The following FBN1 variants were observed in gnomAD, a reference collection of about 807,000 sequenced individuals.
The protein encoded by FBN1 is fibrillin 1, also known as fibrillin-1.
FBN1 carries 29 observed loss-of-function variants against 365.1 expected under a neutral mutation model. The observed-to-expected ratio is 0.08, with a 90% CI of 0.06 to 0.11. The LOEUF (loss-of-function observed/expected upper bound fraction) is 0.11, where lower values mean the gene tolerates loss of function less well. FBN1 is among the 10% of genes least tolerant of loss of function. The probability of loss-of-function intolerance (pLI) is 1.00; values close to 1 mark genes in which losing one functional copy is unlikely to be tolerated. For synonymous variants in FBN1, 1,210 were observed against 1,270.5 expected, an observed-to-expected ratio of 0.95 and a Z score of 1.01; for missense variants, 2,476 against 3,703.2, an observed-to-expected ratio of 0.67 and a Z score of 8.60.
At chr15:48,466,912 A>T (rs1255384783) in intron 38 of FBN1, among the ~76,000 whole-genome samples, 1 of 151,772 alleles carries the variant, frequency 6.6e-6, no homozygotes, top group Non-Finnish European at 1.5e-5. Flanking sequence ...CTAAGTCCCC[A>T]CCCTCTCCCA....
rs777262423 is a variant in FBN1 at position 48,485,507 on chromosome 15, T to G, written c.3590-11A>C. 3 of 1,614,040 alleles carry G rather than the reference T, an allele frequency of 1.9e-6. No homozygotes were observed. The East Asian group carries it at 6.7e-5, about 36-fold the overall frequency. ...TGCATTCATCAATGTCTAAAAGAAATGAAAATAATATCACCTTCTGATATG... is the reference window on the plus strand; with the variant it reads ...TGCATTCATCAATGTCTAAAAGAAAGGAAAATAATATCACCTTCTGATATG... On this transcript the variant is annotated splice_polypyrimidine_tract_variant and intron_variant, in intron 29 of 65. Coordinates refer to ENST00000316623, the MANE Select transcript of FBN1 (RefSeq NM_000138.5).
intron 21 of FBN1, 40 bp downstream of exon 21, chr15:48,495,429 T>C: frequency 1.2e-6 from 2 of 1,610,106 alleles, no homozygotes; most frequent in Admixed American, 1.7e-5. Context: ...TATAACAACA[T>C]TGATAAACAT....
chr15:48,519,857 TG>T lies in FBN1; in HGVS notation c.1147+801del, dbSNP rs528925688. 2.3e-3 allele frequency among the ~76,000 whole-genome samples: 355 copies of T among 152,332 alleles called. 3 individuals carry two copies. Among genetic ancestry groups the T allele is most frequent in the African/African-American group, 7.8e-3 (323 of 41,574 alleles). On this transcript the variant is annotated intron_variant, in intron 10 of 65. Transcript: ENST00000316623. ...AGTAGCAAATGTTCTTTGCAAGAAA[TG>T]GAGTGAATTGGCCACTAAATATTGC...
At chr15:48,531,320 G>C (rs1410750146) in intron 8 of FBN1, among the ~76,000 whole-genome samples, 3 of 151,976 alleles carry the variant, frequency 2.0e-5, no homozygotes, top group Non-Finnish European at 4.4e-5. Flanking sequence ...TGAGAATTCT[G>C]CAAGAGGAAG....
intron 6 of FBN1, among the ~76,000 whole-genome samples, chr15:48,581,710 A>G (rs1343725986): frequency 6.6e-6 from 1 of 152,356 alleles, no homozygotes; most frequent in East Asian, 1.9e-4. Flanking sequence ...TGAAAATCAA[A>G]AAGGTGTGAA....
Position 48,549,847 on chromosome 15 carries a change from G to A in FBN1, c.539-12039C>T, listed in dbSNP as rs548494787. The stretch of plus-strand genomic sequence containing the variant: ...GTGACACAAGCACAGACAAAAAAAC[G>A]ACTCCAGTTCTCCCCTTCCTTTACT... On this transcript the variant is annotated intron_variant, in intron 6 of 65. Transcript: ENST00000316623. 4.0e-5 allele frequency among the ~76,000 whole-genome samples: 6 copies of A among 151,208 alleles called. No homozygotes were observed. In the South Asian group the frequency reaches 8.4e-4, roughly 21 times the overall value.
chr15:48,409,622 T>G lies in FBN1; in HGVS notation c.*1368A>C, dbSNP rs77212138. On this transcript the variant is annotated 3_prime_UTR_variant, in exon 66 of 66. Coordinates refer to ENST00000316623, the MANE Select transcript of FBN1 (RefSeq NM_000138.5). ...ATTGGATACAGTCTGGGATTATCCC[T>G]TTGTAATTAGATGAGCATTGACTAA... is the stretch of plus-strand genomic sequence containing the variant. The G allele has an allele frequency of 6.6e-6, 1 of 152,170 alleles. No homozygotes were observed. Among genetic ancestry groups the G allele is most frequent in the African/African-American group, 2.4e-5 (1 of 41,444 alleles). The allele number at this position is 152,170 out of a possible 1,614,324, so 9.4% of individuals were successfully genotyped here.
At chr15:48,471,022 C>T (rs1440937353) in intron 35 of FBN1, among the ~76,000 whole-genome samples, 1 of 151,800 alleles carries the variant, frequency 6.6e-6, no homozygotes, top group African/African-American at 2.4e-5. Context: ...TAGTGTTCCA[C>T]GTAGGTCCAC....
chr15:48,614,585 G>A (rs1229918135), intron 2 of FBN1, among the ~76,000 whole-genome samples: 1 of 152,112 alleles, frequency 6.6e-6, no homozygotes, highest in Non-Finnish European at 1.5e-5. Context: ...GGTCAGAAAG[G>A]GATTTAGGAA....
chr15:48,528,555 G>A (rs2043937524), intron 8 of FBN1, among the ~76,000 whole-genome samples: 2 of 152,110 alleles, frequency 1.3e-5, no homozygotes. Flanking sequence ...AGAGCAAAGA[G>A]GCCCATCATT....
At chr15:48,480,213 C>T (rs185653192) in intron 32 of FBN1, among the ~76,000 whole-genome samples, 15 of 152,270 alleles carry the variant, frequency 9.9e-5, no homozygotes, top group African/African-American at 3.4e-4. Flanking sequence ...ATAAGCATCA[C>T]TGCCTCTGGG....
In FBN1 at chr15:48,411,272, T is replaced by C; in HGVS notation, c.8334A>G (p.Leu2778=). Residue 2778 remains leucine (L), a synonymous_variant, in exon 66 of 66, where the codon CTA becomes CTG. Transcript: ENST00000316623. ...ISHVSNKVRI[L]ELLPALTTLT... ...GAGTTGTAAGAGCTGGAAGGAGTTC[T>C]AGGATTCGAACCTTGTTACTGACGT... 1.9e-6 allele frequency: 3 copies of C among 1,614,120 alleles called. No homozygotes were observed. The highest frequency in any genetic ancestry group is 1.1e-5 in the South Asian group (1 of 91,078).
At chr15:48,533,584 T>C (rs1443791779) in intron 8 of FBN1, among the ~76,000 whole-genome samples, 7 of 152,172 alleles carry the variant, frequency 4.6e-5, no homozygotes, top group African/African-American at 1.7e-4. Flanking sequence ...TTTCATTTGA[T>C]AGGCAATTAC....
chr15:48,504,943 A>C, intron 16 of FBN1, 82 bp downstream of exon 16: 13 of 1,556,824 alleles, frequency 8.4e-6, no homozygotes, highest in Non-Finnish European at 1.2e-5. Context: ...CTGCTACAGT[A>C]GAGAGCGTTT....
intron 6 of FBN1, among the ~76,000 whole-genome samples, chr15:48,554,674 T>A (rs1233556783): frequency 6.6e-6 from 1 of 152,170 alleles, no homozygotes; most frequent in Non-Finnish European, 1.5e-5. Context: ...AACACATACA[T>A]GACATATACT....
chr15:48,487,573 C>A (rs909269550), intron 27 of FBN1, 136 bp from the exon 28 acceptor site: 25 of 1,208,172 alleles, frequency 2.1e-5, no homozygotes, highest in Non-Finnish European at 2.3e-5. Flanking sequence ...TGGTGCTATT[C>A]ATACACCAGA....
chr15:48,500,257 T>C (rs2043643209), intron 17 of FBN1, among the ~76,000 whole-genome samples: 1 of 152,206 alleles, frequency 6.6e-6, no homozygotes, highest in South Asian at 2.1e-4. Flanking sequence ...ACCAGTTTTA[T>C]AAAAAGGACT....
chr15:48,526,928 C>A (rs59343375), intron 8 of FBN1, among the ~76,000 whole-genome samples: 3 of 152,086 alleles, frequency 2.0e-5, no homozygotes, highest in Non-Finnish European at 4.4e-5. Flanking sequence ...TTGCCTGAGT[C>A]GCAGAGAGCC....
At chr15:48,474,201 A>G in intron 34 of FBN1, 54 bp downstream of exon 34, 1 of 1,612,594 alleles carries the variant, frequency 6.2e-7, no homozygotes, top group Non-Finnish European at 8.5e-7. Flanking sequence ...AGAAATGTGG[A>G]ATGCCTGGCT....
Sources: allele counts gnomAD v4.1 joint callset (sites outside exome capture counted in the v4.1 genomes callset), GRCh38; gene constraint gnomAD v4.1.1; transcripts MANE v1.5; gene names NCBI Gene and HGNC (gene_info 2026-07-23, HGNC 2026-07-21).